The following UGT1A8 variants were observed in gnomAD, a reference collection of about 807,000 sequenced individuals.
The protein encoded by UGT1A8 is UDP glucuronosyltransferase family 1 member A8.
In UGT1A8, 39 loss-of-function variants were observed where a neutral mutation model predicts 45.3. The ratio of observed to expected loss-of-function variants is 0.86; its 90% confidence interval spans 0.67 to 1.12. The LOEUF (loss-of-function observed/expected upper bound fraction) is 1.12. Ranked by LOEUF, UGT1A8 falls within the 50% of genes most tolerant of loss-of-function variation. The pLI, the probability that UGT1A8 is intolerant of heterozygous loss-of-function variation, is 0.00. For missense variants in UGT1A8, 719 were observed against 664.9 expected, an observed-to-expected ratio of 1.08 and a Z score of -0.90; for synonymous variants, 275 against 249.2, an observed-to-expected ratio of 1.10 and a Z score of -0.97.
chr2:233,689,857 C>T (rs943551685), intron 1 of UGT1A8: 16 of 455,944 alleles, frequency 3.5e-5, no homozygotes, highest in Admixed American at 2.4e-4. Context: ...TTTTAGGCTA[C>T]TATTACCTTC....
In UGT1A8 at chr2:233,682,681, A is replaced by G. The variant is rs771388089; in HGVS notation, c.855+64119A>G. On this transcript the variant is annotated intron_variant, in intron 1 of 4. Coordinates refer to ENST00000373450, the MANE Select transcript of UGT1A8 (RefSeq NM_019076.5). ...CGGCATATGATCTCTACAGCCACAC[A>G]TCAATTTGGTTGTTGCGAACTGACT... The G allele has an allele frequency of 1.2e-5, 19 of 1,613,742 alleles. No homozygotes were observed. The Admixed American group carries it at 3.2e-4, about 27-fold the overall frequency.
chr2:233,745,241 G>A (rs1693049313), intron 1 of UGT1A8, among the ~76,000 whole-genome samples: 1 of 151,840 alleles, frequency 6.6e-6, no homozygotes, highest in African/African-American at 2.4e-5. Flanking sequence ...ACTATTTACT[G>A]TATCGAAACC....
chr2:233,718,010 G>A lies in UGT1A8; in HGVS notation c.856-49024G>A, dbSNP rs28898608. On this transcript the variant is annotated intron_variant, in intron 1 of 4. Transcript: ENST00000373450. ...CAGACTGTGCAAGATCTGAGGCCAG[G>A]CTCCAGCTCCCCAGGTCCTTTGGTG... The A allele has an allele frequency of 4.4e-3, 1,784 of 402,414 alleles. 38 individuals carry two copies. Among genetic ancestry groups the A allele is most frequent in the African/African-American group, 0.033 (1,616 of 48,364 alleles). The allele number at this position is 402,414 out of a possible 1,614,324, so 24.9% of individuals were successfully genotyped here. A position where few individuals can be genotyped will look rare whatever the true frequency, so the allele number is the denominator to read the frequency against.
chr2:233,651,936 T>C (rs1273288164), intron 1 of UGT1A8, among the ~76,000 whole-genome samples: 1 of 152,092 alleles, frequency 6.6e-6, no homozygotes, highest in African/African-American at 2.4e-5. Flanking sequence ...TGTAATTAAA[T>C]ACTTTAACCA....
intron 1 of UGT1A8, among the ~76,000 whole-genome samples, chr2:233,641,259 C>A (rs1056573058): frequency 2.0e-5 from 3 of 152,174 alleles, no homozygotes; most frequent in African/African-American, 7.2e-5. Context: ...CATGCCACAC[C>A]AGTCTCAGAG....
At chr2:233,747,791 T>C in intron 1 of UGT1A8, 7 of 1,613,564 alleles carry the variant, frequency 4.3e-6, no homozygotes, top group Non-Finnish European at 5.9e-6. Context: ...CTTCCTCCTA[T>C]ATTCCTAAGT....
intron 1 of UGT1A8, chr2:233,691,925 A>G (rs995732624): frequency 2.3e-4 from 35 of 152,536 alleles, no homozygotes; most frequent in African/African-American, 7.9e-4. Context: ...GGTGGGAGCG[A>G]TAAACGTGAA....
chr2:233,679,269 A>G (rs1364444069), intron 1 of UGT1A8, among the ~76,000 whole-genome samples: 2 of 152,242 alleles, frequency 1.3e-5, no homozygotes, highest in Non-Finnish European at 2.9e-5. Context: ...CCTTGCTGGC[A>G]ATGCATTTTC....
chr2:233,744,892 C>A (rs28900378), intron 1 of UGT1A8, among the ~76,000 whole-genome samples: 2 of 151,832 alleles, frequency 1.3e-5, no homozygotes, highest in Non-Finnish European at 2.9e-5. Flanking sequence ...ACCCTCCTCT[C>A]CATACCAAAA....
In UGT1A8 at chr2:233,637,146, G is replaced by A. The variant is rs144759885; in HGVS notation, c.855+18584G>A. ...CCATGACTTTCAAGGAGAGAGTATG[G>A]AACCACATCGTGCACTTGGAGGACC... On this transcript the variant is annotated intron_variant, in intron 1 of 4. Transcript: ENST00000373450. 1,033 of 1,613,908 alleles carry A rather than the reference G, an allele frequency of 6.4e-4. 3 individuals carry two copies. The highest frequency in any genetic ancestry group is 1.1e-3 in the Admixed American group (67 of 60,016).
intron 1 of UGT1A8, among the ~76,000 whole-genome samples, chr2:233,724,290 G>A: frequency 7.3e-6 from 1 of 136,758 alleles, no homozygotes. Flanking sequence ...GCGGGGGGCT[G>A]ACCCCCCCAC....
chr2:233,672,067 G>A (rs771914713), intron 1 of UGT1A8: 1 of 1,614,048 alleles, frequency 6.2e-7, no homozygotes, highest in African/African-American at 1.3e-5. Flanking sequence ...GAGGTCGGTG[G>A]TGGAGAAACT....
rs28969711 is a variant in UGT1A8, at chr2:233,681,104, G to A, written c.855+62542G>A. 4.7e-3 allele frequency among the ~76,000 whole-genome samples: 711 copies of A among 151,776 alleles called. 7 individuals carry two copies. Among genetic ancestry groups the A allele is most frequent in the African/African-American group, 0.016 (678 of 41,438 alleles). On this transcript the variant is annotated intron_variant, in intron 1 of 4. Transcript: ENST00000373450. Reference sequence around the variant, plus strand: ...TCACCTGTGTCTCTGCAATGCGCAAGTGAGCTGTGTATTGCAGAGACACAG... The same window carrying A: ...TCACCTGTGTCTCTGCAATGCGCAAATGAGCTGTGTATTGCAGAGACACAG...
At chr2:233,759,575 A>C (rs1346908637) in intron 1 of UGT1A8, among the ~76,000 whole-genome samples, 4 of 151,412 alleles carry the variant, frequency 2.6e-5, no homozygotes, top group South Asian at 2.1e-4. Context: ...GTCATTCTCT[A>C]CCCCAGCACG....
At chr2:233,636,953 C>A (rs1283775616) in intron 1 of UGT1A8, 2 of 1,613,898 alleles carry the variant, frequency 1.2e-6, no homozygotes, top group Admixed American at 1.7e-5. Context: ...TCTTTTGATG[C>A]AGTGTTTCTG....
chr2:233,626,952 T>C (rs2073095206), intron 1 of UGT1A8, among the ~76,000 whole-genome samples: 1 of 152,088 alleles, frequency 6.6e-6, no homozygotes, highest in East Asian at 1.9e-4. Context: ...AAAGTGTTCT[T>C]GTTGTCTAGG....
At chr2:233,761,168 G>A in intron 1 of UGT1A8, 1 of 1,614,168 alleles carries the variant, frequency 6.2e-7, no homozygotes, top group Non-Finnish European at 8.5e-7. Context: ...ATTGGAGTGG[G>A]ACTTTTACAT....
chr2:233,630,690 A>G (rs1029556310), intron 1 of UGT1A8, among the ~76,000 whole-genome samples: 1 of 152,092 alleles, frequency 6.6e-6, no homozygotes, highest in African/African-American at 2.4e-5. Flanking sequence ...AGCAGGAGCA[A>G]GAGAGAGACA....
rs541267003 is a variant in UGT1A8, at chr2:233,744,012, G to T, written c.856-23022G>T. 67 of 1,089,588 alleles carry T rather than the reference G, an allele frequency of 6.1e-5. 1 individual carries two copies. Among genetic ancestry groups the T allele is most frequent in the Non-Finnish European group, 7.2e-5 (60 of 828,198 alleles). The allele number at this position is 1,089,588 out of a possible 1,614,324, so 67.5% of individuals were successfully genotyped here. ...GCCCGAGTGCTCGGAGACCTGGGCC[G>T]CCTGGAGAGACGCCCCTTATGACGC... On this transcript the variant is annotated intron_variant, in intron 1 of 4. Transcript: ENST00000373450.
Sources: allele counts gnomAD v4.1 joint callset (sites outside exome capture counted in the v4.1 genomes callset), GRCh38; gene constraint gnomAD v4.1.1; transcripts MANE v1.5; gene names NCBI Gene and HGNC (gene_info 2026-07-23, HGNC 2026-07-21).